The following SLC34A1 variants were observed in gnomAD, a reference collection of about 807,000 sequenced individuals.
SLC34A1 encodes the protein solute carrier family 34 member 1, also known as sodium-dependent phosphate transport protein 2A.
SLC34A1 carries 57 observed loss-of-function variants against 51.4 expected under a neutral mutation model. The observed-to-expected ratio is 1.11, with a 90% CI of 0.90 to 1.38. The LOEUF (loss-of-function observed/expected upper bound fraction) is 1.38. Among genes scored for constraint, SLC34A1 ranks in the 40% most tolerant of loss-of-function variants. The pLI is 0.00. For synonymous variants in SLC34A1, 368 were observed against 358.0 expected (o/e 1.03, Z -0.32); for missense variants, 796 against 835.6 (o/e 0.95, Z 0.58).
chr5:177,397,146 T>C, intron 12 of SLC34A1, 72 bp downstream of exon 12: 3 of 1,566,736 alleles, frequency 1.9e-6, no homozygotes, highest in South Asian at 2.3e-5. Context: ...CACAAAGGTG[T>C]GACAACATGG....
intron 10 of SLC34A1, 89 bp downstream of exon 10, chr5:177,394,284 C>A: frequency 1.5e-6 from 2 of 1,374,460 alleles, no homozygotes; most frequent in South Asian, 1.2e-5. Flanking sequence ...TCTGGGTAAA[C>A]CCTACCATCT....
chr5:177,398,824 A>ACCG lies in SLC34A1; in HGVS notation c.*538_*539insCCG. 6.1e-6 allele frequency: 1 copy of ACCG among 164,038 alleles called. No homozygotes were observed. Among genetic ancestry groups the ACCG allele is most frequent in the Non-Finnish European group, 1.4e-5 (1 of 73,632 alleles). The allele number at this position is 164,038 out of a possible 1,614,324, so 10.2% of individuals were successfully genotyped here. On this transcript the variant is annotated 3_prime_UTR_variant, in exon 13 of 13. Transcript: ENST00000324417. The surrounding 1 kb of genome is among the most constrained non-coding windows in gnomAD (Gnocchi z 4.7). The stretch of plus-strand genomic sequence containing the variant: ...ACACTTGCCTGATGGAAAAAAAACA[A>ACCG]AGGAATTAAAACTCTCCTCAGGCAT...
Position 177,386,331 on chromosome 5 carries a change from G to C in SLC34A1, c.370G>C (p.Ala124Pro). 6.2e-7 allele frequency: 1 copy of C among 1,614,274 alleles called. No homozygotes were observed. The highest frequency in any genetic ancestry group is 8.5e-7 in the Non-Finnish European group (1 of 1,180,050). ...FVCSLDMLSS[A>P]FQLAGGKVAG... Reference sequence around the variant, plus strand: ...CTGCTCCCTGGACATGCTCAGCTCGGCCTTCCAGCTGGCTGGAGGTAGGGC... The same window carrying C: ...CTGCTCCCTGGACATGCTCAGCTCGCCCTTCCAGCTGGCTGGAGGTAGGGC... The change falls in exon 4 of 13, where the codon GCC becomes CCC. Residue 124 changes from alanine (A) to proline (P), a missense_variant. Coordinates refer to ENST00000324417, the MANE Select transcript of SLC34A1 (RefSeq NM_003052.5). The surrounding 1 kb of genome is among the most constrained non-coding windows in gnomAD (Gnocchi z 4.8).
chr5:177,398,401 CCTT>C lies in SLC34A1; in HGVS notation c.*118_*120del, dbSNP rs1350767781. On this transcript the variant is annotated 3_prime_UTR_variant, in exon 13 of 13. Coordinates refer to ENST00000324417, the MANE Select transcript of SLC34A1 (RefSeq NM_003052.5). This position sits in a 1 kb window ranked among gnomAD's most constrained non-coding sequence, Gnocchi z 4.7. ...TGTGCCACCCTGGGTGCCAGTCTCT[CCTT>C]CTGTAGCTCCGCAAAGCTCTGGGCT... 8.4e-7 allele frequency: 1 copy of C among 1,195,308 alleles called. No homozygotes were observed. Among genetic ancestry groups the C allele is most frequent in the African/African-American group, 1.5e-5 (1 of 67,070 alleles). 74.0% of individuals were successfully genotyped at this position (1,195,308 alleles called of 1,614,324 possible).
At chr5:177,390,043 T>C in intron 8 of SLC34A1, 2 of 1,241,386 alleles carry the variant, frequency 1.6e-6, no homozygotes, top group Non-Finnish European at 1.0e-6. Context: ...GCAGTGGATG[T>C]GCTTGGTCTT....
chr5:177,386,403 C>T lies in SLC34A1; in HGVS notation c.389-20C>T, dbSNP rs3812036. 0.24 allele frequency: 385,208 copies of T among 1,614,098 alleles called. 48,103 individuals carry two copies. The highest frequency in any genetic ancestry group is 0.27 in the South Asian group (24,570 of 91,080). ...GGGGTTCCTGAAGGGCCTTGGACAACGCTGGCTCATGCTCCCCAGGGAAGG... is the reference window on the plus strand; with the variant it reads ...GGGGTTCCTGAAGGGCCTTGGACAATGCTGGCTCATGCTCCCCAGGGAAGG... On this transcript the variant is annotated intron_variant, in intron 4 of 12. Coordinates refer to ENST00000324417, the MANE Select transcript of SLC34A1 (RefSeq NM_003052.5). The surrounding 1 kb of genome is among the most constrained non-coding windows in gnomAD (Gnocchi z 4.8).
chr5:177,398,117 A>G lies in SLC34A1; in HGVS notation c.1751A>G (p.His584Arg). The change falls in exon 13 of 13, where the codon CAC becomes CGC. Residue 584 changes from histidine to arginine, a missense_variant. Physicochemically the swap from His to Arg is conservative, Grantham distance 29. Transcript: ENST00000324417. This position sits in a 1 kb window ranked among gnomAD's most constrained non-coding sequence, Gnocchi z 4.7. ...TGGGACTTCCTGCCTCGCTGGATGC[A>G]CTCCCTGAAGCCCCTGGACCACCTC... ...QTWDFLPRWM[H>R]SLKPLDHLIT... The G allele has an allele frequency of 6.2e-7, 1 of 1,610,616 alleles. No individual in the cohort carries two copies.
chr5:177,395,978 CTA>C (rs1762941057), intron 10 of SLC34A1, among the ~76,000 whole-genome samples: 1 of 152,150 alleles, frequency 6.6e-6, no homozygotes, highest in African/African-American at 2.4e-5. Context: ...TGGGCTCTCA[CTA>C]TGTTGGTCAG....
At chr5:177,389,668 C>A in intron 8 of SLC34A1, 12 of 1,537,294 alleles carry the variant, frequency 7.8e-6, no homozygotes, top group Non-Finnish European at 1.0e-5. Flanking sequence ...AAATCACACA[C>A]TTTGATCTTC....
At chr5:177,397,699 G>A (rs1763016276) in intron 12 of SLC34A1, 84 bp from the exon 13 acceptor site, 7 of 1,568,592 alleles carry the variant, frequency 4.5e-6, no homozygotes, top group African/African-American at 4.0e-5. Context: ...ACCAGATCGG[G>A]GTTCCTATCA....
chr5:177,391,469 A>G (rs1762801424), intron 8 of SLC34A1, among the ~76,000 whole-genome samples: 1 of 152,078 alleles, frequency 6.6e-6, no homozygotes, highest in Non-Finnish European at 1.5e-5. Context: ...AGTCCTCCCC[A>G]CAGAGACCAC....
At chr5:177,387,371 G>A (rs1762623503) in intron 5 of SLC34A1, among the ~76,000 whole-genome samples, 1 of 152,030 alleles carries the variant, frequency 6.6e-6, no homozygotes, top group South Asian at 2.1e-4. Context: ...CTCCAGCCTG[G>A]GCGACAGAGC....
At chr5:177,384,727 TG>T (rs1762498625) in intron 1 of SLC34A1, among the ~76,000 whole-genome samples, 1 of 151,994 alleles carries the variant, frequency 6.6e-6, no homozygotes. Context: ...CCAGGTGTGG[TG>T]GCAGGCACCT....
At chr5:177,390,822 G>C (rs1455107742) in intron 8 of SLC34A1, among the ~76,000 whole-genome samples, 1 of 152,024 alleles carries the variant, frequency 6.6e-6, no homozygotes, top group Non-Finnish European at 1.5e-5. Flanking sequence ...TCAGTCCCCA[G>C]AAGGGGCCTC....
chr5:177,393,906 T>C, intron 9 of SLC34A1, 122 bp from the exon 10 acceptor site: 1 of 1,503,562 alleles, frequency 6.7e-7, no homozygotes, highest in Non-Finnish European at 9.2e-7. Flanking sequence ...TGGGTCAAGC[T>C]CCGGTGTTGA....
chr5:177,392,263 A>T (rs1211581313), intron 8 of SLC34A1, among the ~76,000 whole-genome samples: 4 of 152,200 alleles, frequency 2.6e-5, no homozygotes, highest in Non-Finnish European at 5.9e-5. Context: ...GGAGTTCGAG[A>T]TCAGCCTGGC....
Position 177,396,983 on chromosome 5 carries a change from C to G in SLC34A1, c.1325C>G (p.Pro442Arg). 6.2e-7 allele frequency: 1 copy of G among 1,614,160 alleles called. No individual in the cohort carries two copies. The highest frequency in any genetic ancestry group is 8.5e-7 in the Non-Finnish European group (1 of 1,180,018). Reference protein sequence around the residue: ...LGVISIERAYPLTLGSNIGTT... With the variant: ...LGVISIERAYRLTLGSNIGTT... ...GTGATCAGCATTGAGAGGGCCTACC[C>G]GCTCACACTGGGTTCCAACATCGGC... Residue 442 changes from proline to arginine, a missense_variant, in exon 12 of 13, where the codon CCG becomes CGG. Physicochemically the swap from Pro to Arg is moderately radical, Grantham distance 103. Transcript: ENST00000324417. The surrounding 1 kb of genome is among the most constrained non-coding windows in gnomAD (Gnocchi z 4.0).
At chr5:177,393,075 C>G (rs1762856188) in intron 8 of SLC34A1, among the ~76,000 whole-genome samples, 1 of 152,194 alleles carries the variant, frequency 6.6e-6, no homozygotes, top group Admixed American at 6.5e-5. Flanking sequence ...CTCCCCACCT[C>G]TTCCACACAC....
chr5:177,385,093 T>C (rs772486157), intron 1 of SLC34A1, among the ~76,000 whole-genome samples: 8 of 152,036 alleles, frequency 5.3e-5, no homozygotes, highest in South Asian at 2.1e-4. Context: ...AAGGAATTCA[T>C]TGTGAGGGGA....
Sources: gnomAD v4.1 joint callset for allele counts (sites outside exome capture counted in the v4.1 genomes callset) on GRCh38, gnomAD v4.1.1 for gene constraint, Gnocchi (gnomAD v3.1) non-coding constraint, MANE v1.5 for transcripts, NCBI Gene and HGNC (gene_info 2026-07-23, HGNC 2026-07-21) for gene names.